The following UNC13C variants were observed in gnomAD, a reference collection of about 807,000 sequenced individuals.
The protein encoded by UNC13C is protein unc-13 homolog C.
In UNC13C, 174 loss-of-function variants were observed where a neutral mutation model predicts 245.4. The observed-to-expected ratio is 0.71, with a 90% confidence interval of 0.63 to 0.80. UNC13C has a LOEUF of 0.80. Ranked by LOEUF, UNC13C falls within the 30% of genes least tolerant of loss-of-function variation. UNC13C has a pLI of 0.00. For missense variants in UNC13C, 2,829 were observed against 2,602.9 expected (o/e 1.09, Z -1.89); for synonymous variants, 992 against 895.1 (o/e 1.11, Z -1.93).
chr15:53,958,370 C>T, the UNC13C span, among the ~76,000 whole-genome samples: 1 of 152,132 alleles, frequency 6.6e-6, no homozygotes, highest in African/African-American at 2.4e-5. Flanking sequence ...TTGTTTTCTC[C>T]ACTACCACAA....
intron 1 of UNC13C, among the ~76,000 whole-genome samples, chr15:53,987,332 ATGGATTATTTGCCTTGGGAGAAATAGGCC>A (rs1894187525): frequency 6.6e-6 from 1 of 152,008 alleles, no homozygotes. Context: ...AACCTCCTAT[ATGGATTATTTGCCTTGGGAGAAATAGGCC>A]TGGATCCTAA....
At chr15:54,588,634 C>T (rs114784139) in intron 30 of UNC13C, among the ~76,000 whole-genome samples, 31 of 152,144 alleles carry the variant, frequency 2.0e-4, no homozygotes, top group African/African-American at 7.2e-4. Flanking sequence ...TTTATCCCTA[C>T]CCCCTTCCCC....
chr15:54,455,571 G>T (rs1387082868), intron 19 of UNC13C, among the ~76,000 whole-genome samples: 1 of 148,174 alleles, frequency 6.7e-6, no homozygotes, highest in South Asian at 2.1e-4. Context: ...GAGTAAGGTG[G>T]TACTGCACTG....
intron 19 of UNC13C, among the ~76,000 whole-genome samples, chr15:54,432,910 G>T (rs1329700337): frequency 6.6e-6 from 1 of 151,800 alleles, no homozygotes; most frequent in Non-Finnish European, 1.5e-5. Context: ...TGAGAAAGGG[G>T]ATATCACCAC....
intron 19 of UNC13C, among the ~76,000 whole-genome samples, chr15:54,482,946 A>C (rs887794773): frequency 6.6e-6 from 1 of 152,210 alleles, no homozygotes; most frequent in Non-Finnish European, 1.5e-5. Flanking sequence ...ATTAATTGTT[A>C]TTAATTTATA....
intron 19 of UNC13C, among the ~76,000 whole-genome samples, chr15:54,482,866 A>C (rs885204): frequency 6.6e-6 from 1 of 151,924 alleles, no homozygotes. Flanking sequence ...ATAGTTATAC[A>C]TTTTTCACAT....
chr15:54,621,041 C>T (rs1189893664), intron 30 of UNC13C, among the ~76,000 whole-genome samples: 2 of 152,116 alleles, frequency 1.3e-5, no homozygotes, highest in African/African-American at 2.4e-5. Context: ...TTTCTGTCTT[C>T]CAGTCCTTTT....
intron 19 of UNC13C, among the ~76,000 whole-genome samples, chr15:54,422,966 C>CAG (rs1475777493): frequency 7.0e-6 from 1 of 142,912 alleles, no homozygotes; most frequent in Non-Finnish European, 1.5e-5. Flanking sequence ...AGTACACACA[C>CAG]ACACACACAC....
rs546490442 is a variant in UNC13C, at chr15:54,467,179, A to T, written c.4934-27429A>T. ...CAAGATAGACATGGTTCCTTCGTTCATGGGGCTTACATTTTAACAGGGAAA... is the reference window on the plus strand; with the variant it reads ...CAAGATAGACATGGTTCCTTCGTTCTTGGGGCTTACATTTTAACAGGGAAA... On this transcript the variant is annotated intron_variant, in intron 19 of 32. Coordinates refer to ENST00000260323, the MANE Select transcript of UNC13C (RefSeq NM_001080534.3). Among the ~76,000 whole-genome samples, 241 of 151,984 alleles carry T rather than the reference A, an allele frequency of 1.6e-3. 1 individual carries two copies. Among genetic ancestry groups the T allele is most frequent in the African/African-American group, 5.4e-3 (224 of 41,566 alleles).
intron 13 of UNC13C, chr15:54,321,356 C>G (rs1388339163): frequency 5.4e-5 from 26 of 479,712 alleles, no homozygotes; most frequent in South Asian, 3.3e-4. Flanking sequence ...TGCCACCCAC[C>G]AAGATCTTTT....
At chr15:54,464,103 A>C (rs759605263) in intron 19 of UNC13C, among the ~76,000 whole-genome samples, 3 of 152,214 alleles carry the variant, frequency 2.0e-5, no homozygotes, top group Non-Finnish European at 2.9e-5. Context: ...CATTAACAGC[A>C]ATTAAAAGTG....
chr15:54,574,162 T>C (rs1897866134), intron 30 of UNC13C, among the ~76,000 whole-genome samples: 1 of 152,216 alleles, frequency 6.6e-6, no homozygotes, highest in Non-Finnish European at 1.5e-5. Context: ...ATCTTAAATT[T>C]CCTTGCACCA....
At chr15:54,001,522 G>A (rs932289567) in intron 1 of UNC13C, among the ~76,000 whole-genome samples, 7 of 152,172 alleles carry the variant, frequency 4.6e-5, no homozygotes, top group African/African-American at 1.7e-4. Context: ...CCCAAAGAGC[G>A]TCTGTGTCAC....
At chr15:54,496,749 A>G (rs1893966259) in intron 20 of UNC13C, among the ~76,000 whole-genome samples, 1 of 152,010 alleles carries the variant, frequency 6.6e-6, no homozygotes, top group South Asian at 2.1e-4. Context: ...TTTCACTCAT[A>G]AGTGGGAGCT....
At position 54,351,405 on chromosome 15, in the gene UNC13C, T is replaced by G. The variant is rs74428720; in HGVS notation, c.4713+12916T>G. Among the ~76,000 whole-genome samples, 631 of 152,278 alleles carry G rather than the reference T, an allele frequency of 4.1e-3. 25 individuals are homozygous for G. The East Asian group carries it at 0.087, about 21-fold the overall frequency. ...TAAGTATCTAGAGAAAAACTTGCAC[T>G]GAAAATTAAACTGTGAAAAGAACTA... is the stretch of plus-strand genomic sequence containing the variant. On this transcript the variant is annotated intron_variant, in intron 17 of 32. Transcript: ENST00000260323.
intron 2 of UNC13C, among the ~76,000 whole-genome samples, chr15:54,037,215 T>C (rs966146401): frequency 4.6e-5 from 7 of 152,240 alleles, no homozygotes; most frequent in Non-Finnish European, 8.8e-5. Flanking sequence ...AGTGTCTACA[T>C]AATTTTGCAG....
chr15:53,926,077 A>G, the UNC13C span, among the ~76,000 whole-genome samples: 4,277 of 152,138 alleles, frequency 0.028, 84 homozygotes, highest in East Asian at 0.07. Flanking sequence ...GAGCAATACT[A>G]TTCTTGTTGA....
At chr15:54,495,051 G>C (rs1221234558) in intron 20 of UNC13C, among the ~76,000 whole-genome samples, 1 of 151,792 alleles carries the variant, frequency 6.6e-6, no homozygotes, top group Non-Finnish European at 1.5e-5. Context: ...GGGAAAGTAT[G>C]GTGCTTGTAT....
intron 1 of UNC13C, among the ~76,000 whole-genome samples, chr15:54,005,514 A>G (rs1895095553): frequency 6.6e-6 from 1 of 152,228 alleles, no homozygotes; most frequent in Non-Finnish European, 1.5e-5. Flanking sequence ...ACATTAATGT[A>G]ATCTATAAAA....
Sources: gnomAD v4.1 joint callset for allele counts (sites outside exome capture counted in the v4.1 genomes callset) on GRCh38, gnomAD v4.1.1 for gene constraint, MANE v1.5 for transcripts, NCBI Gene and HGNC (gene_info 2026-07-23, HGNC 2026-07-21) for gene names.